Variants in UNC5D observed in about 807,000 individuals in gnomAD.
UNC5D encodes unc-5 netrin receptor D, also known as netrin receptor UNC5D.
In UNC5D, 39 loss-of-function variants were observed where a neutral mutation model predicts 105.4. That is an observed-to-expected ratio of 0.37 (90% CI 0.29 to 0.48). The LOEUF is 0.48. Ranked by LOEUF, UNC5D falls within the 20% of genes least tolerant of loss-of-function variation. The pLI, the probability that UNC5D is intolerant of heterozygous loss-of-function variation, is 0.98. For synonymous variants in UNC5D, 452 were observed against 450.4 expected, an observed-to-expected ratio of 1.00 and a Z score of -0.04; for missense variants, 991 against 1,202.4, an observed-to-expected ratio of 0.82 and a Z score of 2.60.
intron 1 of UNC5D, among the ~76,000 whole-genome samples, chr8:35,461,524 C>T (rs897471176): frequency 1.3e-5 from 2 of 152,148 alleles, no homozygotes; most frequent in Non-Finnish European, 2.9e-5. Flanking sequence ...GATCCCATAA[C>T]ACATAATAAT....
chr8:35,471,201 C>A (rs1433975136), intron 1 of UNC5D, among the ~76,000 whole-genome samples: 1 of 152,156 alleles, frequency 6.6e-6, no homozygotes, highest in Non-Finnish European at 1.5e-5. Context: ...TAGCCACTAA[C>A]AACCTTTTCA....
At chr8:35,421,652 GT>G (rs1805910966) in intron 1 of UNC5D, among the ~76,000 whole-genome samples, 1 of 150,778 alleles carries the variant, frequency 6.6e-6, no homozygotes, top group South Asian at 2.1e-4. Context: ...TTGTAAAATA[GT>G]TATATATCAG....
intron 1 of UNC5D, among the ~76,000 whole-genome samples, chr8:35,417,037 T>C (rs925687816): frequency 6.6e-6 from 1 of 152,200 alleles, no homozygotes; most frequent in African/African-American, 2.4e-5. Flanking sequence ...AATCACATCA[T>C]GGAGAATGGA....
intron 1 of UNC5D, among the ~76,000 whole-genome samples, chr8:35,423,813 TAGA>T (rs1434036907): frequency 6.6e-6 from 1 of 151,566 alleles, no homozygotes; most frequent in Non-Finnish European, 1.5e-5. Flanking sequence ...TAAGAAATAA[TAGA>T]AGAGTTTGTA....
intron 9 of UNC5D, 68 bp from the exon 10 acceptor site, chr8:35,726,084 G>C: frequency 6.5e-7 from 1 of 1,534,258 alleles, no homozygotes. Flanking sequence ...AGTTTGCAGA[G>C]GCAGAAGTAC....
intron 8 of UNC5D, chr8:35,721,569 G>GGACTT (rs1828586460): frequency 2.9e-6 from 2 of 700,500 alleles, no homozygotes; most frequent in Non-Finnish European, 5.2e-6. Flanking sequence ...CATCTGCCAT[G>GGACTT]GACTTAACAG....
chr8:35,624,911 ATAGGGCCTTTTC>A (rs1821612186), intron 4 of UNC5D, among the ~76,000 whole-genome samples: 1 of 152,204 alleles, frequency 6.6e-6, no homozygotes, highest in South Asian at 2.1e-4. Context: ...ATTCTTTAAA[ATAGGGCCTTTTC>A]AATTACGGGA....
rs528389950 is a variant in UNC5D, at chr8:35,295,104, A to G, written c.103+59217A>G. Among the ~76,000 whole-genome samples the G allele has an allele frequency of 5.3e-5, 8 of 152,288 alleles. No homozygotes were observed. In the South Asian group the frequency reaches 1.0e-3, roughly 20 times the overall value. On this transcript the variant is annotated intron_variant, in intron 1 of 16. Coordinates refer to ENST00000404895, the MANE Select transcript of UNC5D (RefSeq NM_080872.4). ...AGGTGGCTACAAAGTTATTACAGTA[A>G]TACAGTGTGGACTATAGTTAAATTT...
intron 1 of UNC5D, among the ~76,000 whole-genome samples, chr8:35,325,794 G>A (rs558973446): frequency 6.6e-6 from 1 of 152,112 alleles, no homozygotes; most frequent in African/African-American, 2.4e-5. Context: ...GAAAAGGATG[G>A]AACATTTACT....
At chr8:35,279,989 C>T (rs1806034306) in intron 1 of UNC5D, among the ~76,000 whole-genome samples, 1 of 151,942 alleles carries the variant, frequency 6.6e-6, no homozygotes, top group African/African-American at 2.4e-5. Flanking sequence ...ACTACCTTTA[C>T]TTTCTTTCTT....
At chr8:35,717,818 A>G (rs988438973) in intron 8 of UNC5D, among the ~76,000 whole-genome samples, 1 of 152,248 alleles carries the variant, frequency 6.6e-6, no homozygotes, top group Non-Finnish European at 1.5e-5. Context: ...CTGAGCACCT[A>G]CAAAGACGGT....
At chr8:35,789,398 G>A (rs1802924528) in intron 16 of UNC5D, among the ~76,000 whole-genome samples, 2 of 151,082 alleles carry the variant, frequency 1.3e-5, no homozygotes, top group Non-Finnish European at 2.9e-5. Context: ...GGTATAGGTA[G>A]TAAACATGGA....
chr8:35,631,626 C>T (rs147400971), intron 4 of UNC5D, among the ~76,000 whole-genome samples: 60 of 152,280 alleles, frequency 3.9e-4, no homozygotes, highest in Non-Finnish European at 5.3e-4. Context: ...CTCACTTCTC[C>T]AGCAAGTAGT....
chr8:35,704,445 A>G (rs1827408318), intron 7 of UNC5D, among the ~76,000 whole-genome samples: 1 of 152,308 alleles, frequency 6.6e-6, no homozygotes, highest in Admixed American at 6.5e-5. Context: ...GATAATATTT[A>G]AGTTCTCAAA....
intron 1 of UNC5D, among the ~76,000 whole-genome samples, chr8:35,304,236 C>T (rs1281671278): frequency 2.0e-5 from 3 of 152,102 alleles, no homozygotes; most frequent in Non-Finnish European, 4.4e-5. Flanking sequence ...CTCTCTGATA[C>T]AGACATGGTT....
intron 1 of UNC5D, among the ~76,000 whole-genome samples, chr8:35,377,338 T>C (rs1468518963): frequency 1.3e-5 from 2 of 152,128 alleles, no homozygotes; most frequent in Non-Finnish European, 2.9e-5. Context: ...AGGTGTCCTA[T>C]TTGCATTTCA....
intron 1 of UNC5D, chr8:35,255,268 G>C (rs1803997316): frequency 6.6e-6 from 1 of 152,082 alleles, no homozygotes; most frequent in Admixed American, 6.6e-5. Flanking sequence ...TCAATGCTTT[G>C]GATAATGTCA....
intron 3 of UNC5D, among the ~76,000 whole-genome samples, chr8:35,589,022 G>A (rs1481208459): frequency 6.6e-6 from 1 of 150,946 alleles, no homozygotes; most frequent in Non-Finnish European, 1.5e-5. Context: ...CAGCCTGGGC[G>A]ACAAGAGCAA....
chr8:35,733,202 C>G lies in UNC5D; in HGVS notation c.1766+2106C>G, dbSNP rs573650988. Among the ~76,000 whole-genome samples, 12 of 152,270 alleles carry G rather than the reference C, an allele frequency of 7.9e-5. No individual in the cohort carries two copies. The East Asian group carries it at 2.3e-3, about 29-fold the overall frequency. On this transcript the variant is annotated intron_variant, in intron 11 of 16. Coordinates refer to ENST00000404895, the MANE Select transcript of UNC5D (RefSeq NM_080872.4). ...ACTGGGCTAAAGGCCATTTACCTTC[C>G]TTGACAAGCCTCACTCCCTTTTGAT...
Sources: allele counts gnomAD v4.1 joint callset (sites outside exome capture counted in the v4.1 genomes callset), GRCh38; gene constraint gnomAD v4.1.1; transcripts MANE v1.5; gene names NCBI Gene and HGNC (gene_info 2026-07-23, HGNC 2026-07-21).